The following SKAP2 variants were observed in gnomAD, a reference collection of about 807,000 sequenced individuals.
The protein encoded by SKAP2 is src kinase-associated phosphoprotein 2.
Under a neutral mutation model 54.9 loss-of-function variants are expected in SKAP2, and 28 were observed. That is an observed-to-expected ratio of 0.51 (90% CI 0.38 to 0.70). The LOEUF is 0.70. Ranked by LOEUF, SKAP2 falls within the 30% of genes least tolerant of loss-of-function variation. The pLI, the probability that SKAP2 is intolerant of heterozygous loss-of-function variation, is 0.00. For missense variants in SKAP2, 356 were observed against 424.1 expected, an observed-to-expected ratio of 0.84 and a Z score of 1.41; for synonymous variants, 137 against 134.3, an observed-to-expected ratio of 1.02 and a Z score of -0.14.
chr7:26,716,942 C>A (rs545159230), intron 9 of SKAP2, among the ~76,000 whole-genome samples: 2 of 152,228 alleles, frequency 1.3e-5, no homozygotes, highest in South Asian at 4.2e-4. Flanking sequence ...TTAAAATAAT[C>A]AATAAAGTTA....
At chr7:26,716,116 T>C (rs1258620356) in intron 9 of SKAP2, among the ~76,000 whole-genome samples, 2 of 152,226 alleles carry the variant, frequency 1.3e-5, no homozygotes, top group African/African-American at 4.8e-5. Flanking sequence ...ACAAATATTC[T>C]CTACTATGCA....
At chr7:26,728,275 T>C (rs1787750177) in intron 6 of SKAP2, among the ~76,000 whole-genome samples, 1 of 152,202 alleles carries the variant, frequency 6.6e-6, no homozygotes, top group African/African-American at 2.4e-5. Context: ...TAGGTTTCTG[T>C]GATCAAATCA....
chr7:26,758,211 T>C (rs1477417785), intron 4 of SKAP2, among the ~76,000 whole-genome samples: 1 of 150,916 alleles, frequency 6.6e-6, no homozygotes, highest in Non-Finnish European at 1.5e-5. Context: ...AATTTTTTTT[T>C]TCCTTTTGCA....
rs1784613506 is a variant in SKAP2 at position 26,832,404 on chromosome 7, T to C, written c.307+11626A>G. 2.6e-5 allele frequency among the ~76,000 whole-genome samples: 4 copies of C among 152,236 alleles called. 1 individual carries two copies. The South Asian group carries it at 8.3e-4, about 31-fold the overall frequency. On this transcript the variant is annotated intron_variant, in intron 4 of 12. Transcript: ENST00000345317. ...AGGGAGCTACTTCTTCCAATGATTCTAATAGACTAGTTATGAAAAAGTTTT... is the reference window on the plus strand; with the variant it reads ...AGGGAGCTACTTCTTCCAATGATTCCAATAGACTAGTTATGAAAAAGTTTT...
At chr7:26,857,111 G>A (rs1168977704) in intron 1 of SKAP2, among the ~76,000 whole-genome samples, 3 of 148,482 alleles carry the variant, frequency 2.0e-5, no homozygotes, top group East Asian at 2.0e-4. Flanking sequence ...AGGAAGAATC[G>A]GTATTTTTCA....
At chr7:26,795,525 T>C (rs770773601) in intron 4 of SKAP2, among the ~76,000 whole-genome samples, 32 of 152,336 alleles carry the variant, frequency 2.1e-4, no homozygotes, top group Non-Finnish European at 4.0e-4. Flanking sequence ...GTAATCAACA[T>C]TTATTAGCAA....
At chr7:26,724,620 G>A (rs1406251645) in intron 9 of SKAP2, among the ~76,000 whole-genome samples, 1 of 152,052 alleles carries the variant, frequency 6.6e-6, no homozygotes, top group African/African-American at 2.4e-5. Flanking sequence ...GTTAAATCTT[G>A]CTTATATTGC....
intron 4 of SKAP2, among the ~76,000 whole-genome samples, chr7:26,759,587 CCTGGCCTT>C (rs1407449778): frequency 6.6e-6 from 1 of 152,050 alleles, no homozygotes; most frequent in Non-Finnish European, 1.5e-5. Context: ...CTCTACAAAC[CCTGGCCTT>C]TTAAAAGGGA....
chr7:26,697,960 A>C (rs1177645271), intron 9 of SKAP2, among the ~76,000 whole-genome samples: 1 of 152,108 alleles, frequency 6.6e-6, no homozygotes, highest in Non-Finnish European at 1.5e-5. Flanking sequence ...AAATACATCA[A>C]CTCAATTTAG....
At chr7:26,856,590 G>T (rs2127999029) in intron 1 of SKAP2, among the ~76,000 whole-genome samples, 1 of 152,236 alleles carries the variant, frequency 6.6e-6, no homozygotes, top group Admixed American at 6.5e-5. Context: ...TTTGTGCCCA[G>T]AACAGCAAGC....
chr7:26,851,464 G>A (rs1402730830), intron 3 of SKAP2, among the ~76,000 whole-genome samples: 1 of 151,820 alleles, frequency 6.6e-6, no homozygotes, highest in Non-Finnish European at 1.5e-5. Context: ...ACTATTGCAA[G>A]GACAAAAAAC....
chr7:26,775,822 G>A (rs1783294117), intron 4 of SKAP2, among the ~76,000 whole-genome samples: 1 of 152,088 alleles, frequency 6.6e-6, no homozygotes, highest in South Asian at 2.1e-4. Context: ...TTCACTCAGC[G>A]TAACTGCCCA....
In SKAP2 at chr7:26,667,312, T is replaced by C. The variant is rs1786121488; in HGVS notation, c.*2354A>G. On this transcript the variant is annotated 3_prime_UTR_variant, in exon 13 of 13. Transcript: ENST00000345317. ...TTAGCATATTTTCTAACAAGCCATG[T>C]TGTTTAAATTTATATTAATGATATT... The C allele has an allele frequency of 6.6e-6, 1 of 152,118 alleles. No individual in the cohort carries two copies. Among genetic ancestry groups the C allele is most frequent in the Non-Finnish European group, 1.5e-5 (1 of 68,024 alleles). 9.4% of individuals were successfully genotyped at this position (152,118 alleles called of 1,614,324 possible).
Position 26,861,517 on chromosome 7 carries a change from A to G in SKAP2, c.67+2846T>C, listed in dbSNP as rs575399566. On this transcript the variant is annotated intron_variant, in intron 1 of 12. Transcript: ENST00000345317. ...ATTTTATAAAAAGCATAGGTCTTCAAGACTGACTCCACAGAAAATATAACT... is the reference window on the plus strand; with the variant it reads ...ATTTTATAAAAAGCATAGGTCTTCAGGACTGACTCCACAGAAAATATAACT... Among the ~76,000 whole-genome samples, 3 of 152,224 alleles carry G rather than the reference A, an allele frequency of 2.0e-5. No individual in the cohort carries two copies. In the East Asian group the frequency reaches 5.8e-4, roughly 29 times the overall value.
At chr7:26,833,237 C>CAA (rs200294611) in intron 4 of SKAP2, among the ~76,000 whole-genome samples, 4 of 150,566 alleles carry the variant, frequency 2.7e-5, no homozygotes, top group Admixed American at 1.3e-4. Flanking sequence ...ACTAAAAACA[C>CAA]AAAAAAAAAT....
intron 4 of SKAP2, among the ~76,000 whole-genome samples, chr7:26,841,214 G>C (rs536188233): frequency 7.1e-4 from 108 of 152,004 alleles, no homozygotes; most frequent in African/African-American, 2.6e-3. Context: ...CCATTAATCT[G>C]GTGTACCAAG....
At chr7:26,788,773 CCT>C (rs976981537) in intron 4 of SKAP2, among the ~76,000 whole-genome samples, 20 of 152,186 alleles carry the variant, frequency 1.3e-4, no homozygotes, top group Non-Finnish European at 1.9e-4. Context: ...CCCACTCCCC[CCT>C]AATTATATGC....
intron 5 of SKAP2, among the ~76,000 whole-genome samples, chr7:26,739,519 C>G (rs1170789670): frequency 1.3e-5 from 2 of 152,120 alleles, no homozygotes; most frequent in East Asian, 1.9e-4. Flanking sequence ...TGATCTGAAC[C>G]ATGGTGCATG....
intron 10 of SKAP2, 24 bp from the exon 11 acceptor site, chr7:26,684,872 T>C (rs537509581): frequency 2.2e-6 from 3 of 1,367,308 alleles, no homozygotes; most frequent in Middle Eastern, 1.8e-4. Context: ...AGAGAAAGCA[T>C]GAATTAGGGC....
Sources: allele counts gnomAD v4.1 joint callset (sites outside exome capture counted in the v4.1 genomes callset), GRCh38; gene constraint gnomAD v4.1.1; transcripts MANE v1.5; gene names NCBI Gene and HGNC (gene_info 2026-07-23, HGNC 2026-07-21).